ITGA6: variants seen among roughly 807,000 people sequenced by gnomAD.
The protein encoded by ITGA6 is integrin subunit alpha 6, also known as integrin alpha-6.
A neutral mutation model predicts 133.6 loss-of-function variants in ITGA6; 63 were observed. That is an observed-to-expected ratio of 0.47 (90% CI 0.38 to 0.58). The LOEUF (loss-of-function observed/expected upper bound fraction) is 0.58, where lower values mean the gene tolerates loss of function less well. Among genes scored for constraint, ITGA6 ranks in the 20% least tolerant of loss-of-function variants. The pLI is 0.00. For missense variants in ITGA6, 1,068 were observed against 1,309.4 expected, an observed-to-expected ratio of 0.82 and a Z score of 2.85; for synonymous variants, 434 against 482.0, an observed-to-expected ratio of 0.90 and a Z score of 1.30.
intron 24 of ITGA6, among the ~76,000 whole-genome samples, chr2:172,500,560 G>A (rs1687306421): frequency 2.0e-5 from 3 of 152,210 alleles, no homozygotes; most frequent in African/African-American, 7.2e-5. Flanking sequence ...AACCTGGGAG[G>A]TGGAGCTTGC....
intron 5 of ITGA6, 103 bp downstream of exon 5, chr2:172,471,208 G>A: frequency 7.4e-7 from 1 of 1,356,428 alleles, no homozygotes; most frequent in East Asian, 2.3e-5. Flanking sequence ...GCTGAGAAGA[G>A]GCCAGGTGGG....
Position 172,469,202 on chromosome 2 carries a change from T to C in ITGA6, c.465T>C (p.Tyr155=), listed in dbSNP as rs1685809660. The part of the protein sequence containing the change: ...QESRDIFGRC[Y]VLSQNLRIED... ...CCCGAGACATCTTTGGGCGGTGTTA[T>C]GTCCTGAGTCAGAATCTCAGGATTG... is the stretch of plus-strand genomic sequence containing the variant. Residue 155 remains tyrosine (Y), a synonymous_variant, in exon 4 of 26, where the codon TAT becomes TAC. Transcript: ENST00000684293. 6.2e-7 allele frequency: 1 copy of C among 1,614,162 alleles called. No individual in the cohort carries two copies. Among genetic ancestry groups the C allele is most frequent in the Non-Finnish European group, 8.5e-7 (1 of 1,179,998 alleles).
At chr2:172,444,160 C>T (rs77137586) in intron 1 of ITGA6, among the ~76,000 whole-genome samples, 2,344 of 152,292 alleles carry the variant, frequency 0.015, 31 homozygotes, top group South Asian at 0.064. Flanking sequence ...ACTCAGCTAA[C>T]GGGTGGTACT....
intron 1 of ITGA6, among the ~76,000 whole-genome samples, chr2:172,450,717 G>A (rs1468121910): frequency 2.0e-5 from 3 of 151,778 alleles, no homozygotes; most frequent in Non-Finnish European, 4.4e-5. Flanking sequence ...CACTTTGGGA[G>A]GCTGAGGCAG....
At position 172,491,300 on chromosome 2, in the gene ITGA6, G is replaced by A. The variant is rs150695902; in HGVS notation, c.2858G>A (p.Arg953His). Residue 953 changes from arginine (R) to histidine (H), a missense_variant, in exon 22 of 26, where the codon CGC (arginine) becomes CAC (histidine). This residue lies in a region of ITGA6 where 609 missense variants were observed against 707.2 expected (regional missense o/e 0.86). Transcript: ENST00000684293. This position sits in a 1 kb window ranked among gnomAD's most constrained non-coding sequence, Gnocchi z 4.4. ...GACAGCAAGGCGTCTCTTATTTTGCGCTCGAGGTTATGGAACAGCACATTT... is the reference window on the plus strand; with the variant it reads ...GACAGCAAGGCGTCTCTTATTTTGCACTCGAGGTTATGGAACAGCACATTT... The part of the protein sequence containing the change: ...GLDSKASLIL[R>H]SRLWNSTFLE... The A allele has an allele frequency of 3.2e-4, 517 of 1,612,040 alleles. 1 individual carries two copies. In the African/African-American group the frequency reaches 3.7e-3, roughly 12 times the overall value.
intron 1 of ITGA6, among the ~76,000 whole-genome samples, chr2:172,454,923 C>G (rs1338454398): frequency 6.6e-6 from 1 of 152,102 alleles, no homozygotes; most frequent in Non-Finnish European, 1.5e-5. Context: ...ACGAAATAAT[C>G]TGTACAGCAA....
At chr2:172,495,237 C>T (rs983328753) in intron 23 of ITGA6, 4 of 152,236 alleles carry the variant, frequency 2.6e-5, no homozygotes, top group African/African-American at 7.2e-5. Context: ...GAGCTTATAT[C>T]CCTCTTCCCC....
chr2:172,427,623 G>T lies in ITGA6; in HGVS notation c.-166G>T. 2 of 1,282,328 alleles carry T rather than the reference G, an allele frequency of 1.6e-6. No individual in the cohort carries two copies. Among genetic ancestry groups the T allele is most frequent in the African/African-American group, 3.1e-5 (2 of 63,960 alleles). The allele number at this position is 1,282,328 out of a possible 1,614,324, so 79.4% of individuals were successfully genotyped here. The stretch of plus-strand genomic sequence containing the variant: ...CAGCGGTCGCGAGCTGCCCGCGAGG[G>T]GGAGCGGCCGGACGGAGAGCGCGAC... On this transcript the variant is annotated 5_prime_UTR_variant, in exon 1 of 26. Coordinates refer to ENST00000684293, the MANE Select transcript of ITGA6 (RefSeq NM_000210.4).
In ITGA6 at chr2:172,498,019, G is replaced by A. The variant is rs373241747; in HGVS notation, c.3033G>A (p.Ser1011=). 27 of 1,613,614 alleles carry A rather than the reference G, an allele frequency of 1.7e-5. No individual in the cohort carries two copies. The African/African-American group carries it at 1.9e-4, about 11-fold the overall frequency. ...VFPSKTVAQY[S]GVPWWIILVA... is the part of the protein sequence containing the mutation. ...CCTCAAAGACTGTAGCTCAGTATTC[G>A]GGAGTACCTTGGTGGATCATCCTAG... Residue 1011 remains serine, a synonymous_variant, in exon 24 of 26, where the codon TCG becomes TCA. Transcript: ENST00000684293.
At chr2:172,479,461 G>A (rs1002884817) in intron 9 of ITGA6, among the ~76,000 whole-genome samples, 180 bp from the exon 10 acceptor site, 1 of 152,128 alleles carries the variant, frequency 6.6e-6, no homozygotes, top group Non-Finnish European at 1.5e-5. Context: ...GCTCTGCATT[G>A]TATACATTTA....
At chr2:172,456,826 A>G (rs1244670263) in intron 1 of ITGA6, among the ~76,000 whole-genome samples, 1 of 152,204 alleles carries the variant, frequency 6.6e-6, no homozygotes, top group East Asian at 1.9e-4. Flanking sequence ...TTCTCCTTGT[A>G]TTTGAACATT....
intron 1 of ITGA6, among the ~76,000 whole-genome samples, chr2:172,447,094 C>T (rs1206159775): frequency 2.0e-5 from 3 of 152,178 alleles, no homozygotes; most frequent in East Asian, 1.9e-4. Flanking sequence ...GATGGGGTTT[C>T]GCCATGTGGG....
intron 6 of ITGA6, 113 bp downstream of exon 6, chr2:172,474,378 T>C (rs1235139414): frequency 1.1e-6 from 1 of 914,558 alleles, no homozygotes; most frequent in East Asian, 2.6e-5. Context: ...AATATTTTTA[T>C]TGCCGCATTT....
chr2:172,441,137 C>T (rs561916439), intron 1 of ITGA6, among the ~76,000 whole-genome samples: 2 of 152,282 alleles, frequency 1.3e-5, no homozygotes, highest in East Asian at 1.9e-4. Context: ...CTAATTTCTC[C>T]GTTGCTCTCA....
chr2:172,504,441 T>A lies in ITGA6; in HGVS notation c.*373T>A, dbSNP rs1045862545. On this transcript the variant is annotated 3_prime_UTR_variant, in exon 26 of 26. Transcript: ENST00000684293. ...AAGGCTCCTGTTTTGCACAGCCAAA[T>A]TTAAAACTGTTGGAATGGATTTTTC... 9.1e-6 allele frequency: 4 copies of A among 437,388 alleles called. No homozygotes were observed. The highest frequency in any genetic ancestry group is 1.6e-5 in the Non-Finnish European group (4 of 244,196). The allele number at this position is 437,388 out of a possible 1,614,324, so 27.1% of individuals were successfully genotyped here.
At chr2:172,442,961 T>A (rs1684604370) in intron 1 of ITGA6, among the ~76,000 whole-genome samples, 1 of 152,184 alleles carries the variant, frequency 6.6e-6, no homozygotes, top group African/African-American at 2.4e-5. Flanking sequence ...CCTCCATTTT[T>A]AAAATTTCAT....
chr2:172,481,339 A>G (rs6718477), intron 11 of ITGA6, among the ~76,000 whole-genome samples: 16,686 of 152,170 alleles, frequency 0.11, 1,670 homozygotes, highest in East Asian at 0.51. Context: ...CATAAGGACT[A>G]GGGTTTGCAA....
intron 9 of ITGA6, among the ~76,000 whole-genome samples, chr2:172,476,796 G>A (rs1205619098): frequency 4.6e-5 from 7 of 152,014 alleles, no homozygotes; most frequent in African/African-American, 1.5e-4. Context: ...CATATAAAAT[G>A]TGACAGTACA....
chr2:172,471,402 G>A (rs1461829174), intron 5 of ITGA6, among the ~76,000 whole-genome samples: 1 of 152,192 alleles, frequency 6.6e-6, no homozygotes, highest in East Asian at 1.9e-4. Flanking sequence ...GGCAGCCTCC[G>A]TAACCTGAAA....
Sources: gnomAD v4.1 joint callset for allele counts (sites outside exome capture counted in the v4.1 genomes callset) on GRCh38, gnomAD v4.1.1 for gene constraint, gnomAD v4.1.1 regional missense constraint, Gnocchi (gnomAD v3.1) non-coding constraint, MANE v1.5 for transcripts, NCBI Gene and HGNC (gene_info 2026-07-23, HGNC 2026-07-21) for gene names.